The following NR1H4 variants were observed in gnomAD, a reference collection of about 807,000 sequenced individuals.
NR1H4 encodes the protein bile acid receptor.
In NR1H4, 23 loss-of-function variants were observed where a neutral mutation model predicts 58.5. The ratio of observed to expected loss-of-function variants is 0.39; its 90% confidence interval spans 0.28 to 0.56. The LOEUF is 0.56. NR1H4 is among the 20% of genes least tolerant of loss of function. The pLI is 0.58. For synonymous variants in NR1H4, 214 were observed against 198.0 expected, an observed-to-expected ratio of 1.08 and a Z score of -0.68; for missense variants, 487 against 576.9, an observed-to-expected ratio of 0.84 and a Z score of 1.60.
chr12:100,541,928 C>T (rs1954946169), intron 9 of NR1H4, among the ~76,000 whole-genome samples: 2 of 152,062 alleles, frequency 1.3e-5, no homozygotes, highest in African/African-American at 2.4e-5. Context: ...TATATGATTT[C>T]ATCTAATCTT....
intron 9 of NR1H4, among the ~76,000 whole-genome samples, chr12:100,553,245 G>T (rs531994362): frequency 1.3e-5 from 2 of 152,100 alleles, no homozygotes; most frequent in Non-Finnish European, 2.9e-5. Flanking sequence ...TGATCCGCCC[G>T]CCTTGGCCTC....
At chr12:100,497,922 TAA>T (rs1251414911) in intron 3 of NR1H4, among the ~76,000 whole-genome samples, 2 of 152,106 alleles carry the variant, frequency 1.3e-5, no homozygotes, top group Non-Finnish European at 2.9e-5. Flanking sequence ...ATTCCAACAA[TAA>T]GAGAAGAAGC....
At chr12:100,554,281 T>A (rs1955272508) in intron 9 of NR1H4, among the ~76,000 whole-genome samples, 1 of 152,144 alleles carries the variant, frequency 6.6e-6, no homozygotes, top group African/African-American at 2.4e-5. Context: ...GGAAATAGTA[T>A]CATTTTTAAC....
intron 4 of NR1H4, among the ~76,000 whole-genome samples, chr12:100,515,202 G>A (rs1954232657): frequency 9.1e-6 from 1 of 109,738 alleles, no homozygotes; most frequent in Non-Finnish European, 1.7e-5. Flanking sequence ...ACAGAGTCTT[G>A]CTCTGTTGCC....
At position 100,528,894 on chromosome 12, in the gene NR1H4, G is replaced by A. The variant is rs118057061; in HGVS notation, c.446-3564G>A. ...AAGCTGTCTATCAGTATCTATGACA[G>A]TTTTAAAGGAAATCATTCCTGGGAG... On this transcript the variant is annotated intron_variant, in intron 4 of 10. Transcript: ENST00000392986. Among the ~76,000 whole-genome samples, 62 of 152,252 alleles carry A rather than the reference G, an allele frequency of 4.1e-4. 1 individual carries two copies. Among genetic ancestry groups the A allele is most frequent in the East Asian group, 2.5e-3 (13 of 5,174 alleles).
intron 4 of NR1H4, among the ~76,000 whole-genome samples, chr12:100,523,337 G>T (rs1194593154): frequency 2.0e-5 from 3 of 151,888 alleles, no homozygotes; most frequent in Non-Finnish European, 4.4e-5. Context: ...GTGTTTTTTG[G>T]CCATTTGTAT....
intron 9 of NR1H4, among the ~76,000 whole-genome samples, chr12:100,550,574 C>T (rs1277488541): frequency 2.6e-5 from 4 of 151,980 alleles, no homozygotes; most frequent in Non-Finnish European, 4.4e-5. Flanking sequence ...CCATGTTGGC[C>T]AGGCTGGTCT....
chr12:100,529,902 T>C (rs1225637283), intron 4 of NR1H4, among the ~76,000 whole-genome samples: 1 of 152,216 alleles, frequency 6.6e-6, no homozygotes, highest in African/African-American at 2.4e-5. Flanking sequence ...AATATGCAGC[T>C]CTACATGGGT....
intron 9 of NR1H4, among the ~76,000 whole-genome samples, chr12:100,553,788 A>G (rs1428297463): frequency 1.3e-5 from 2 of 152,216 alleles, no homozygotes; most frequent in African/African-American, 4.8e-5. Context: ...CCTCCTGGTC[A>G]TCTAATGGCC....
At chr12:100,484,605 T>A (rs944195321) in intron 1 of NR1H4, among the ~76,000 whole-genome samples, 1 of 152,234 alleles carries the variant, frequency 6.6e-6, no homozygotes, top group Non-Finnish European at 1.5e-5. Context: ...ATCATGGGGC[T>A]GCTGCTTCTC....
rs375895784 is a variant in NR1H4 at position 100,559,575 on chromosome 12, G to T, written c.1079-2310G>T. Among the ~76,000 whole-genome samples the T allele has an allele frequency of 5.3e-5, 8 of 152,308 alleles. No individual in the cohort carries two copies. In the East Asian group the frequency reaches 5.8e-4, roughly 11 times the overall value. ...GGTCCCCCAGCAGTGCCAGCCCACC[G>T]GCGCTGCGCTGGATTTCTCACCGAG... On this transcript the variant is annotated intron_variant, in intron 9 of 10. Coordinates refer to ENST00000392986, the MANE Select transcript of NR1H4 (RefSeq NM_001206979.2).
chr12:100,536,487 A>T (rs1268124937), intron 6 of NR1H4, 25 bp from the exon 7 acceptor site: 3 of 1,372,020 alleles, frequency 2.2e-6, no homozygotes, highest in African/African-American at 1.4e-5. Flanking sequence ...CTTCCCTAAC[A>T]CCTTTTATTT....
chr12:100,476,501 TAGAG>T (rs1337972135), intron 1 of NR1H4, among the ~76,000 whole-genome samples: 1 of 152,188 alleles, frequency 6.6e-6, no homozygotes, highest in Non-Finnish European at 1.5e-5. Flanking sequence ...AGGGACATCT[TAGAG>T]AGGAGCTCAG....
intron 1 of NR1H4, among the ~76,000 whole-genome samples, chr12:100,474,721 T>C (rs991618917): frequency 6.6e-6 from 1 of 152,224 alleles, no homozygotes; most frequent in Admixed American, 6.5e-5. Context: ...CTTTGTCTCC[T>C]TATTGACAGA....
intron 3 of NR1H4, among the ~76,000 whole-genome samples, chr12:100,494,287 C>T (rs1309047106): frequency 1.3e-5 from 2 of 152,102 alleles, no homozygotes; most frequent in African/African-American, 2.4e-5. Context: ...GTCATTAGCA[C>T]TTTAGTGTGT....
intron 3 of NR1H4, among the ~76,000 whole-genome samples, chr12:100,504,614 C>T (rs1490058946): frequency 2.6e-5 from 4 of 152,184 alleles, no homozygotes; most frequent in African/African-American, 9.7e-5. Context: ...GTGTCAGGCA[C>T]TATGCAGTTT....
At chr12:100,545,220 C>A (rs1955032856) in intron 9 of NR1H4, among the ~76,000 whole-genome samples, 1 of 151,954 alleles carries the variant, frequency 6.6e-6, no homozygotes, top group Non-Finnish European at 1.5e-5. Context: ...TGGGTTAGTA[C>A]CAGATTCCTT....
intron 9 of NR1H4, 121 bp downstream of exon 9, chr12:100,540,939 G>T (rs1307372855): frequency 1.1e-6 from 1 of 926,378 alleles, no homozygotes; most frequent in Non-Finnish European, 1.7e-6. Flanking sequence ...CTAGCATGAA[G>T]AATGGCTCTA....
At chr12:100,556,467 C>CA (rs781520049) in intron 9 of NR1H4, among the ~76,000 whole-genome samples, 5,659 of 86,874 alleles carry the variant, frequency 0.065, 257 homozygotes, top group African/African-American at 0.1. Context: ...AACTCCGTCT[C>CA]AAAGAAAAAA....
Sources: allele counts gnomAD v4.1 joint callset (sites outside exome capture counted in the v4.1 genomes callset), GRCh38; gene constraint gnomAD v4.1.1; transcripts MANE v1.5; gene names NCBI Gene and HGNC (gene_info 2026-07-23, HGNC 2026-07-21).